Variants in LGSN observed in about 807,000 individuals in gnomAD.
LGSN encodes lengsin, lens protein with glutamine synthetase domain, also known as lengsin.
A neutral mutation model predicts 19.5 loss-of-function variants in LGSN; 21 were observed. The observed-to-expected ratio is 1.07, with a 90% CI of 0.76 to 1.55. LGSN has a LOEUF of 1.55. Among genes scored for constraint, LGSN ranks in the 40% most tolerant of loss-of-function variants. The pLI is 0.00. For missense variants in LGSN, 673 were observed against 608.5 expected (o/e 1.11, Z -1.12); for synonymous variants, 257 against 215.6 (o/e 1.19, Z -1.68).
chr6:63,286,812 T>TA (rs1308927938), intron 2 of LGSN, among the ~76,000 whole-genome samples: 1 of 152,226 alleles, frequency 6.6e-6, no homozygotes, highest in Non-Finnish European at 1.5e-5. Context: ...TTATCCTTTT[T>TA]ATGACTTGAC....
intron 2 of LGSN, among the ~76,000 whole-genome samples, chr6:63,288,611 C>T (rs143110413): frequency 2.6e-5 from 4 of 152,312 alleles, no homozygotes; most frequent in South Asian, 4.1e-4. Flanking sequence ...TTTGCTAAAG[C>T]TACTATGACA....
chr6:63,280,256 T>G lies in LGSN; in HGVS notation c.1295A>C (p.His432Pro), dbSNP rs1767241995. 6.2e-7 allele frequency: 1 copy of G among 1,614,116 alleles called. No homozygotes were observed. Among genetic ancestry groups the G allele is most frequent in the African/African-American group, 1.3e-5 (1 of 74,934 alleles). Residue 432 changes from histidine to proline, a missense_variant, in exon 4 of 4, where the codon CAT becomes CCT. By Grantham distance (77) the His-to-Pro change is moderately conservative (BLOSUM62 -2). Transcript: ENST00000370657. ...ATVAAGLDGL[H>P]SSNEVLAGPD... Reference sequence around the variant, plus strand: ...ACCAGCCAAGACCTCATTACTGCTATGAAGTCCATCTAAGCCGGCAGCAAC... The same window carrying G: ...ACCAGCCAAGACCTCATTACTGCTAGGAAGTCCATCTAAGCCGGCAGCAAC...
At chr6:63,312,246 T>C (rs1406796671) in intron 1 of LGSN, among the ~76,000 whole-genome samples, 2 of 152,204 alleles carry the variant, frequency 1.3e-5, no homozygotes, top group Non-Finnish European at 2.9e-5. Flanking sequence ...TTGTGAATAA[T>C]GCTGTAATAA....
At chr6:63,370,489 A>G in the LGSN span, among the ~76,000 whole-genome samples, 1 of 152,368 alleles carries the variant, frequency 6.6e-6, no homozygotes, top group South Asian at 2.1e-4. Context: ...CCCAGAGGCC[A>G]CTACCTTGAA....
chr6:63,368,726 A>G, the LGSN span, among the ~76,000 whole-genome samples: 24 of 152,350 alleles, frequency 1.6e-4, no homozygotes, highest in African/African-American at 5.1e-4. Flanking sequence ...CTCCTACCAG[A>G]ATGTAAACTT....
chr6:63,406,344 A>C, the LGSN span, among the ~76,000 whole-genome samples: 2 of 152,162 alleles, frequency 1.3e-5, no homozygotes, highest in Non-Finnish European at 2.9e-5. Context: ...ACCACAGTGC[A>C]ATCAAACTAC....
the LGSN span, chr6:63,441,653 G>T: frequency 2.1e-6 from 1 of 481,492 alleles, no homozygotes; most frequent in Non-Finnish European, 4.0e-6. Flanking sequence ...AGAGGAGAAA[G>T]AGTGCCAGAG....
At chr6:63,313,872 ATAC>A (rs1297017433) in intron 1 of LGSN, among the ~76,000 whole-genome samples, 113 of 149,360 alleles carry the variant, frequency 7.6e-4, no homozygotes, top group African/African-American at 2.5e-3. Flanking sequence ...AAATAAATAC[ATAC>A]ATACATACAT....
At chr6:63,504,577 G>A in the LGSN span, among the ~76,000 whole-genome samples, 33 of 152,112 alleles carry the variant, frequency 2.2e-4, no homozygotes, top group African/African-American at 7.5e-4. Flanking sequence ...CGAGTAGCTG[G>A]GATTACAGGC....
chr6:63,357,446 C>T, the LGSN span, among the ~76,000 whole-genome samples: 1 of 145,878 alleles, frequency 6.9e-6, no homozygotes, highest in Admixed American at 6.6e-5. Context: ...TACAGTCCCA[C>T]CAACAGTGTA....
the LGSN span, among the ~76,000 whole-genome samples, chr6:63,467,178 A>G: frequency 6.6e-6 from 1 of 152,134 alleles, no homozygotes; most frequent in Non-Finnish European, 1.5e-5. Context: ...TCAGGAATTC[A>G]TTTGAATTGT....
At chr6:63,321,720 G>A (rs1022135025), upstream of LGSN, among the ~76,000 whole-genome samples, 1 of 152,154 alleles carries the variant, frequency 6.6e-6, no homozygotes, top group Non-Finnish European at 1.5e-5. Flanking sequence ...TTTTCCAAAG[G>A]AAAAACCAAA....
the LGSN span, among the ~76,000 whole-genome samples, chr6:63,417,219 C>A: frequency 6.6e-6 from 1 of 152,084 alleles, no homozygotes; most frequent in Non-Finnish European, 1.5e-5. Flanking sequence ...TTCTTCCCCC[C>A]AGCTGCAGCA....
At chr6:63,345,124 T>C in the LGSN span, among the ~76,000 whole-genome samples, 3 of 152,114 alleles carry the variant, frequency 2.0e-5, no homozygotes, top group Admixed American at 2.0e-4. Flanking sequence ...AAAATAAATA[T>C]TCCTTTAAAA....
the LGSN span, among the ~76,000 whole-genome samples, chr6:63,442,702 T>G: frequency 2.0e-5 from 3 of 152,148 alleles, no homozygotes; most frequent in African/African-American, 7.2e-5. Context: ...GAGTGCTGAT[T>G]GCTGCATTTA....
the LGSN span, among the ~76,000 whole-genome samples, chr6:63,335,769 A>T: frequency 6.6e-6 from 1 of 152,220 alleles, no homozygotes; most frequent in Admixed American, 6.5e-5. Context: ...TTCTTAAAAA[A>T]AAAATCAAAA....
the LGSN span, among the ~76,000 whole-genome samples, chr6:63,412,533 A>AGAAAGAAAGAAAGAAAGAAAGAAG: frequency 1.2e-5 from 1 of 85,156 alleles, no homozygotes; most frequent in African/African-American, 5.1e-5. Context: ...AAAGAAGGAA[A>AGAAAGAAAGAAAGAAAGAAAGAAG]GAAAGAAAGA....
rs151104344 is a variant in LGSN, at chr6:63,283,649, T to TACACAC, written c.330+1932_330+1937dup. Among the ~76,000 whole-genome samples, 1,016 of 145,528 alleles carry TACACAC rather than the reference T, an allele frequency of 7.0e-3. 8 individuals carry two copies. The highest frequency in any genetic ancestry group is 0.024 in the African/African-American group (933 of 39,608). On this transcript the variant is annotated intron_variant, in intron 3 of 3. Coordinates refer to ENST00000370657, the MANE Select transcript of LGSN (RefSeq NM_016571.3). ...TTTTTTTTTTTGAGATGGAATAAGGTACACACACACACACACGATATTTAG... is the reference window on the plus strand; with the variant it reads ...TTTTTTTTTTTGAGATGGAATAAGGTACACACACACACACACACACACGATATTTAG...
chr6:63,345,184 G>A, the LGSN span, among the ~76,000 whole-genome samples: 1 of 152,100 alleles, frequency 6.6e-6, no homozygotes, highest in South Asian at 2.1e-4. Context: ...AGCAATAGAA[G>A]GATGAAACCT....
Sources: gnomAD v4.1 joint callset for allele counts (sites outside exome capture counted in the v4.1 genomes callset) on GRCh38, gnomAD v4.1.1 for gene constraint, MANE v1.5 for transcripts, NCBI Gene and HGNC (gene_info 2026-07-23, HGNC 2026-07-21) for gene names.